GRM1: variants seen among roughly 807,000 people sequenced by gnomAD.
The protein encoded by GRM1 is glutamate metabotropic receptor 1.
Under a neutral mutation model 90.9 loss-of-function variants are expected in GRM1, and 33 were observed. The ratio of observed to expected loss-of-function variants is 0.36; its 90% CI spans 0.28 to 0.49. The LOEUF (loss-of-function observed/expected upper bound fraction) is 0.49. Ranked by LOEUF, GRM1 falls within the 20% of genes least tolerant of loss-of-function variation. The probability of loss-of-function intolerance (pLI) is 0.99; values close to 1 mark genes in which losing one functional copy is unlikely to be tolerated. For synonymous variants in GRM1, 700 were observed against 613.2 expected (o/e 1.14, Z -2.09); for missense variants, 1,190 against 1,534.3 (o/e 0.78, Z 3.75).
chr6:146,280,890 G>T (rs1378354276), intron 2 of GRM1, among the ~76,000 whole-genome samples: 1 of 151,964 alleles, frequency 6.6e-6, no homozygotes, highest in Non-Finnish European at 1.5e-5. Context: ...TGGCCTCCCA[G>T]AGTGCTGGGA....
chr6:146,291,378 G>T (rs1275062897), intron 2 of GRM1, among the ~76,000 whole-genome samples: 2 of 150,542 alleles, frequency 1.3e-5, no homozygotes, highest in South Asian at 2.1e-4. Context: ...ATTTTGAACA[G>T]ATATATTATA....
chr6:146,370,328 C>G (rs1408285646), intron 5 of GRM1, among the ~76,000 whole-genome samples: 2 of 151,992 alleles, frequency 1.3e-5, no homozygotes, highest in Non-Finnish European at 1.5e-5. Flanking sequence ...TCCAGAATGA[C>G]AGCTCCTCAT....
At chr6:146,289,860 A>G (rs1239059665) in intron 2 of GRM1, among the ~76,000 whole-genome samples, 1 of 152,246 alleles carries the variant, frequency 6.6e-6, no homozygotes, top group East Asian at 1.9e-4. Context: ...AAACTGTACC[A>G]TCTAGGTGAG....
chr6:146,237,693 G>A (rs1780701946), intron 2 of GRM1, among the ~76,000 whole-genome samples: 1 of 152,054 alleles, frequency 6.6e-6, no homozygotes, highest in Non-Finnish European at 1.5e-5. Context: ...CTTTGTGACT[G>A]GAGAAATGAG....
At chr6:146,078,645 A>G (rs1374709300) in intron 1 of GRM1, among the ~76,000 whole-genome samples, 2 of 152,194 alleles carry the variant, frequency 1.3e-5, no homozygotes, top group African/African-American at 4.8e-5. Context: ...ACTTGGGTAA[A>G]ATTGTTCTAT....
chr6:146,155,837 A>G (rs1386435690), intron 1 of GRM1, among the ~76,000 whole-genome samples: 2 of 152,194 alleles, frequency 1.3e-5, no homozygotes, highest in African/African-American at 4.8e-5. Flanking sequence ...AGTCCAGGGA[A>G]AGGAGTTTCC....
chr6:146,301,356 C>T (rs777195376), intron 2 of GRM1, among the ~76,000 whole-genome samples: 20 of 152,162 alleles, frequency 1.3e-4, no homozygotes, highest in African/African-American at 4.1e-4. Flanking sequence ...ATAAAGTTTT[C>T]GTCCTATAAA....
At chr6:146,030,592 A>C (rs1159561417) in intron 1 of GRM1, among the ~76,000 whole-genome samples, 1 of 152,196 alleles carries the variant, frequency 6.6e-6, no homozygotes, top group East Asian at 1.9e-4. Context: ...TCCAGGTGTA[A>C]TGAGTTAATT....
In GRM1 at chr6:146,398,635, C is replaced by T. The variant is rs1214792295; in HGVS notation, c.1730-134C>T. 6 of 758,000 alleles carry T rather than the reference C, an allele frequency of 7.9e-6. No individual in the cohort carries two copies. The Admixed American group carries it at 9.1e-5, about 11-fold the overall frequency. The allele number at this position is 758,000 out of a possible 1,614,324, so 47.0% of individuals were successfully genotyped here. ...GTATCTTTATTTGTGTAATAGTGTGCATTTTTAAAAAAGCATTAAATGCTG... is the reference window on the plus strand; with the variant it reads ...GTATCTTTATTTGTGTAATAGTGTGTATTTTTAAAAAAGCATTAAATGCTG... On this transcript the variant is annotated intron_variant, in intron 6 of 7. Coordinates refer to ENST00000282753, the MANE Select transcript of GRM1 (RefSeq NM_001278064.2).
chr6:146,434,614 A>G lies in GRM1; in HGVS notation c.3403A>G (p.Ser1135Gly), dbSNP rs778637784. 2 of 1,612,900 alleles carry G rather than the reference A, an allele frequency of 1.2e-6. No individual in the cohort carries two copies. Among genetic ancestry groups the G allele is most frequent in the African/African-American group, 1.3e-5 (1 of 74,946 alleles). ...GGAGGAGGAGGACCTGCAGGCGGCC[A>G]GCAAACTGACCCCGGATGATTCGCC... ...EEEEEDLQAA[S>G]KLTPDDSPAL... Residue 1135 changes from serine (S) to glycine (G), a missense_variant, in exon 8 of 8, where the codon AGC becomes GGC. Ser to Gly is a moderately conservative substitution (Grantham distance 56). Around this residue, in one of 10 missense-constraint regions of GRM1, gnomAD observed 400 missense variants for 360.8 expected, o/e 1.11. Transcript: ENST00000282753.
intron 1 of GRM1, among the ~76,000 whole-genome samples, chr6:146,144,202 C>G (rs1777003145): frequency 6.6e-6 from 1 of 152,144 alleles, no homozygotes; most frequent in Non-Finnish European, 1.5e-5. Context: ...TTGGTTTCTG[C>G]TCATAAAGAG....
chr6:146,375,208 T>C (rs1233704201), intron 5 of GRM1, among the ~76,000 whole-genome samples: 2 of 152,112 alleles, frequency 1.3e-5, no homozygotes, highest in Non-Finnish European at 2.9e-5. Context: ...TATTCATTTC[T>C]ACTTTTATTC....
chr6:146,314,051 CTTTTTTTTT>C (rs552986343), intron 3 of GRM1, among the ~76,000 whole-genome samples: 111 of 62,012 alleles, frequency 1.8e-3, no homozygotes, highest in African/African-American at 7.8e-3. Flanking sequence ...TAGTTAATTC[CTTTTTTTTT>C]TTTTTTTTTT....
chr6:146,213,974 A>C (rs1779782029), intron 2 of GRM1, among the ~76,000 whole-genome samples: 1 of 152,156 alleles, frequency 6.6e-6, no homozygotes, highest in Non-Finnish European at 1.5e-5. Flanking sequence ...GAGGGCCTGG[A>C]GTCCCAATGT....
chr6:146,037,109 A>G (rs1052210161), intron 1 of GRM1, among the ~76,000 whole-genome samples: 1 of 151,988 alleles, frequency 6.6e-6, no homozygotes, highest in Non-Finnish European at 1.5e-5. Flanking sequence ...CTACCATGTT[A>G]TATTCCTCAC....
At chr6:146,362,901 TGA>T (rs1239064056) in intron 5 of GRM1, among the ~76,000 whole-genome samples, 1 of 152,074 alleles carries the variant, frequency 6.6e-6, no homozygotes, top group East Asian at 1.9e-4. Flanking sequence ...AAAGGGAACA[TGA>T]TCATTCTCAT....
chr6:146,381,093 A>G (rs1460996847), intron 5 of GRM1, among the ~76,000 whole-genome samples: 1 of 152,132 alleles, frequency 6.6e-6, no homozygotes, highest in African/African-American at 2.4e-5. Flanking sequence ...GGGTTAGGGG[A>G]GGTGTGATGC....
chr6:146,392,037 T>C (rs1314804812), intron 6 of GRM1, among the ~76,000 whole-genome samples: 1 of 152,182 alleles, frequency 6.6e-6, no homozygotes, highest in Non-Finnish European at 1.5e-5. Flanking sequence ...TGATTATCCT[T>C]GGAGAGGCCT....
intron 2 of GRM1, among the ~76,000 whole-genome samples, chr6:146,227,021 T>C (rs1367763968): frequency 6.6e-6 from 1 of 152,130 alleles, no homozygotes; most frequent in East Asian, 1.9e-4. Flanking sequence ...GACATTTTAA[T>C]AGAATAAGAT....
Sources: allele counts gnomAD v4.1 joint callset (sites outside exome capture counted in the v4.1 genomes callset), GRCh38; gene constraint gnomAD v4.1.1; regional missense constraint gnomAD v4.1.1; transcripts MANE v1.5; gene names NCBI Gene and HGNC (gene_info 2026-07-23, HGNC 2026-07-21).